Variants in LRRC36 observed in about 807,000 individuals in gnomAD.
LRRC36 encodes the protein leucine rich repeat containing 36.
A neutral mutation model predicts 81.1 loss-of-function variants in LRRC36; 62 were observed. That is an observed-to-expected ratio of 0.76 (90% CI 0.62 to 0.94). The LOEUF (loss-of-function observed/expected upper bound fraction) is 0.94. Ranked by LOEUF, LRRC36 falls within the 40% of genes least tolerant of loss-of-function variation. The pLI is 0.00. For synonymous variants in LRRC36, 334 were observed against 348.6 expected (o/e 0.96, Z 0.47); for missense variants, 761 against 881.7 (o/e 0.86, Z 1.73).
chr16:67,328,440 G>A (rs1422033727), intron 1 of LRRC36, among the ~76,000 whole-genome samples: 1 of 152,130 alleles, frequency 6.6e-6, no homozygotes, highest in African/African-American at 2.4e-5. Flanking sequence ...GTGAACCCAG[G>A]AGGCGGAGCT....
intron 12 of LRRC36, among the ~76,000 whole-genome samples, chr16:67,381,230 GAAAAAAAAAAAA>G (rs1179228134): frequency 2.4e-5 from 1 of 41,122 alleles, no homozygotes; most frequent in African/African-American, 6.0e-5. Context: ...CTCTGCCTCA[GAAAAAAAAAAAA>G]AAAAAAAAAA....
At chr16:67,365,234 C>T in intron 6 of LRRC36, 70 bp from the exon 7 acceptor site, 1 of 930,054 alleles carries the variant, frequency 1.1e-6, no homozygotes. Flanking sequence ...ATTCTGAACC[C>T]CTAGTCTAAT....
chr16:67,361,298 T>C (rs1380780879), intron 5 of LRRC36, among the ~76,000 whole-genome samples: 7 of 151,500 alleles, frequency 4.6e-5, no homozygotes, highest in Non-Finnish European at 4.4e-5. Context: ...TCCCAAAGTG[T>C]TGGGATTACA....
chr16:67,352,561 A>G (rs1360023443), intron 5 of LRRC36, among the ~76,000 whole-genome samples: 1 of 152,026 alleles, frequency 6.6e-6, no homozygotes, highest in African/African-American at 2.4e-5. Flanking sequence ...CCTAGGCTAT[A>G]TCTTTGGGCT....
At chr16:67,363,010 T>C (rs2039228868) in intron 5 of LRRC36, among the ~76,000 whole-genome samples, 1 of 152,162 alleles carries the variant, frequency 6.6e-6, no homozygotes, top group South Asian at 2.1e-4. Flanking sequence ...CTCGAACTCC[T>C]AACCTCAAGT....
chr16:67,347,982 A>T (rs1424601277), intron 4 of LRRC36, among the ~76,000 whole-genome samples: 2 of 152,206 alleles, frequency 1.3e-5, no homozygotes, highest in African/African-American at 4.8e-5. Context: ...GTTAGAGATA[A>T]ATTTGTTAAA....
intron 5 of LRRC36, chr16:67,362,288 G>A (rs541763897): frequency 5.4e-5 from 23 of 423,378 alleles, no homozygotes; most frequent in African/African-American, 1.0e-4. Flanking sequence ...TCAGCCTAGC[G>A]AGCAGCTGGG....
intron 9 of LRRC36, 57 bp from the exon 10 acceptor site, chr16:67,375,190 A>T (rs2039835383): frequency 6.4e-7 from 1 of 1,561,238 alleles, no homozygotes; most frequent in African/African-American, 1.4e-5. Context: ...ATTGTGTAAG[A>T]ATGACAAATG....
intron 13 of LRRC36, among the ~76,000 whole-genome samples, chr16:67,383,554 T>A (rs1362959989): frequency 6.6e-6 from 1 of 152,204 alleles, no homozygotes; most frequent in Non-Finnish European, 1.5e-5. Context: ...TTGCTACTGG[T>A]CTGGGGACCA....
At chr16:67,346,206 T>C (rs2038339599) in intron 2 of LRRC36, 50 bp from the exon 3 acceptor site, 1 of 1,166,432 alleles carries the variant, frequency 8.6e-7, no homozygotes, top group African/African-American at 1.5e-5. Context: ...TCTATGAGGT[T>C]CCTAGTCTTT....
intron 1 of LRRC36, 134 bp downstream of exon 1, chr16:67,327,066 C>T (rs1351490140): frequency 2.7e-6 from 1 of 367,648 alleles, no homozygotes; most frequent in Non-Finnish European, 4.3e-6. Flanking sequence ...GGCTGGGGGG[C>T]GGGGGGATAA....
chr16:67,378,775 C>T, intron 12 of LRRC36, 63 bp downstream of exon 12: 1 of 1,564,688 alleles, frequency 6.4e-7, no homozygotes, highest in Non-Finnish European at 8.7e-7. Context: ...TATAGATGAC[C>T]CATTTAGTAA....
intron 8 of LRRC36, among the ~76,000 whole-genome samples, chr16:67,369,907 A>G (rs566505385): frequency 6.6e-6 from 1 of 152,308 alleles, no homozygotes; most frequent in African/African-American, 2.4e-5. Context: ...TTGGGTGGGG[A>G]CACAGCCAAC....
At chr16:67,377,164 G>C (rs182505977) in intron 11 of LRRC36, among the ~76,000 whole-genome samples, 2 of 152,088 alleles carry the variant, frequency 1.3e-5, no homozygotes, top group Non-Finnish European at 2.9e-5. Flanking sequence ...GTTCTTGAAG[G>C]TTATGGTTTC....
chr16:67,351,598 T>C (rs1421875034), intron 5 of LRRC36, among the ~76,000 whole-genome samples: 1 of 152,164 alleles, frequency 6.6e-6, no homozygotes, highest in Non-Finnish European at 1.5e-5. Flanking sequence ...TCCCAGCTAC[T>C]TGAGTGGCTG....
chr16:67,364,102 T>C (rs2039280808), intron 6 of LRRC36, among the ~76,000 whole-genome samples: 1 of 152,224 alleles, frequency 6.6e-6, no homozygotes, highest in South Asian at 2.1e-4. Flanking sequence ...CCTTTAATAC[T>C]GAGTCTTACA....
At position 67,378,714 on chromosome 16, in the gene LRRC36, T is replaced by C. The variant is rs1421110549; in HGVS notation, c.1930+2T>C. The C allele has an allele frequency of 1.2e-6, 2 of 1,613,648 alleles. No homozygotes were observed. The highest frequency in any genetic ancestry group is 2.2e-5 in the South Asian group (2 of 91,044). ...GTGGGCAACAGTCACATACTTATGGTAAGTTGAGGAAAGCCATGATATATG... is the reference window on the plus strand; with the variant it reads ...GTGGGCAACAGTCACATACTTATGGCAAGTTGAGGAAAGCCATGATATATG... On this transcript the variant is annotated splice_donor_variant, in intron 12 of 13. Coordinates refer to ENST00000329956, the MANE Select transcript of LRRC36 (RefSeq NM_018296.6). LOFTEE classifies it high-confidence loss of function.
At chr16:67,342,305 C>T (rs1335591319) in intron 2 of LRRC36, among the ~76,000 whole-genome samples, 1 of 152,090 alleles carries the variant, frequency 6.6e-6, no homozygotes, top group Non-Finnish European at 1.5e-5. Context: ...TCTCGGAAAA[C>T]TATATTAAGA....
At position 67,367,221 on chromosome 16, in the gene LRRC36, A is replaced by C. The variant is rs1412172856; in HGVS notation, c.959A>C (p.His320Pro). The C allele has an allele frequency of 1.2e-6, 2 of 1,614,120 alleles. 1 individual carries two copies. Among genetic ancestry groups the C allele is most frequent in the Non-Finnish European group, 1.7e-6 (2 of 1,180,040 alleles). Residue 320 changes from histidine (H) to proline (P), a missense_variant, in exon 8 of 14, where the codon CAT becomes CCT. His to Pro is a moderately conservative substitution (Grantham distance 77). This residue lies in a region of LRRC36 where 139 missense variants were observed against 214.0 expected (regional missense o/e 0.65). Transcript: ENST00000329956. The stretch of plus-strand genomic sequence containing the variant: ...GATGTGGGTGATTCTAGCCAGATCC[A>C]TCCCTATCAGTTACCTTCAGATGTT... Reference protein sequence around the residue: ...CLDVGDSSQIHPYQLPSDVGL... With the variant: ...CLDVGDSSQIPPYQLPSDVGL...
Sources: allele counts gnomAD v4.1 joint callset (sites outside exome capture counted in the v4.1 genomes callset), GRCh38; gene constraint gnomAD v4.1.1; regional missense constraint gnomAD v4.1.1; transcripts MANE v1.5; gene names NCBI Gene and HGNC (gene_info 2026-07-23, HGNC 2026-07-21).